The following ENOX2 variants were observed in gnomAD, a reference collection of about 807,000 sequenced individuals.
ENOX2 encodes the protein APK1 antigen.
ENOX2 carries 36 observed loss-of-function variants against 45.0 expected under a neutral mutation model. The ratio of observed to expected loss-of-function variants is 0.80; its 90% CI spans 0.61 to 1.06. The LOEUF is 1.06. Among genes scored for constraint, ENOX2 ranks in the 50% least tolerant of loss-of-function variants. The pLI, the probability that ENOX2 is intolerant of heterozygous loss-of-function variation, is 0.00. For synonymous variants in ENOX2, 174 were observed against 152.3 expected, an observed-to-expected ratio of 1.14 and a Z score of -1.05; for missense variants, 423 against 462.5, an observed-to-expected ratio of 0.91 and a Z score of 0.78.
Position 130,628,113 on chromosome X carries a change from A to G in ENOX2, c.1529-70T>C. The stretch of plus-strand genomic sequence containing the variant: ...CTCGAGGTTCCACATGACAGTGAAT[A>G]GCAAGAGCTGACTCATATGTACAAC... On this transcript the variant is annotated intron_variant, in intron 13 of 14. Coordinates refer to ENST00000394363, the MANE Select transcript of ENOX2 (RefSeq NM_006375.4). 2 of 706,099 alleles carry G rather than the reference A, an allele frequency of 2.8e-6. 1 individual carries two copies. Among genetic ancestry groups the G allele is most frequent in the South Asian group, 4.4e-5 (2 of 45,289 alleles). The allele number at this position is 706,099 out of a possible 1,213,427, so 58.2% of individuals were successfully genotyped here.
chrX:130,694,896 T>C, intron 4 of ENOX2, among the ~76,000 whole-genome samples: 1 of 111,614 alleles, frequency 9.0e-6, no homozygotes. Flanking sequence ...AGAGGAATAC[T>C]AGCCACTCAT....
intron 3 of ENOX2, among the ~76,000 whole-genome samples, chrX:130,707,025 G>A (rs188612955): frequency 8.9e-6 from 1 of 112,739 alleles, no homozygotes; most frequent in East Asian, 2.8e-4. Flanking sequence ...GTTGTGCTAA[G>A]TATCTGTTTA....
rs890931371 is a variant in ENOX2 at position 130,675,189 on chromosome X, A to G, written c.460+4353T>C. ...TCTAGTTCTAGATCCCTAAGGAATC[A>G]CCACACTGACTTCCACATGGTTGAA... On this transcript the variant is annotated intron_variant, in intron 6 of 14. Coordinates refer to ENST00000394363, the MANE Select transcript of ENOX2 (RefSeq NM_006375.4). Among the ~76,000 whole-genome samples, 9 of 111,716 alleles carry G rather than the reference A, an allele frequency of 8.1e-5. No individual in the cohort carries two copies. In the South Asian group the frequency reaches 1.5e-3, roughly 19 times the overall value.
At chrX:130,652,606 T>C (rs1017335311) in intron 10 of ENOX2, among the ~76,000 whole-genome samples, 4 of 112,354 alleles carry the variant, frequency 3.6e-5, no homozygotes, top group East Asian at 2.8e-4. Flanking sequence ...GTTTGAATTG[T>C]GTCCTCTCAA....
intron 4 of ENOX2, among the ~76,000 whole-genome samples, chrX:130,695,812 T>C (rs2037742699): frequency 9.0e-6 from 1 of 111,563 alleles, no homozygotes; most frequent in Non-Finnish European, 1.9e-5. Flanking sequence ...CCTTTCTACA[T>C]AGTTTCTTTA....
At chrX:130,815,856 C>A (rs1304505291) in intron 2 of ENOX2, among the ~76,000 whole-genome samples, 1 of 111,487 alleles carries the variant, frequency 9.0e-6, no homozygotes, top group Non-Finnish European at 1.9e-5. Flanking sequence ...GCAAAATAAC[C>A]AGCTAGCATC....
Position 130,877,088 on chromosome X carries a change from A to G in ENOX2, c.-183+24596T>C, listed in dbSNP as rs747340107. Among the ~76,000 whole-genome samples, 4 of 112,032 alleles carry G rather than the reference A, an allele frequency of 3.6e-5. No individual in the cohort carries two copies. The South Asian group carries it at 1.5e-3, about 42-fold the overall frequency. ...ACAAAATCCTTCTGAACTTTTATCT[A>G]TAAACCTCCCTTTTCTCTTTCTTAA... On this transcript the variant is annotated intron_variant, in intron 2 of 14. Coordinates refer to ENST00000394363, the MANE Select transcript of ENOX2 (RefSeq NM_006375.4).
At position 130,842,321 on chromosome X, in the gene ENOX2, A is replaced by G. The variant is rs370982956; in HGVS notation, c.-182-58631T>C. ...AAGCACTGAAAATATGCAAGACTTC[A>G]TTTCTTATGTAGCTGATTCCTTTGG... On this transcript the variant is annotated intron_variant, in intron 2 of 14. Coordinates refer to ENST00000394363, the MANE Select transcript of ENOX2 (RefSeq NM_006375.4). Among the ~76,000 whole-genome samples the G allele has an allele frequency of 4.7e-4, 53 of 112,869 alleles. 4 individuals carry two copies. The East Asian group carries it at 7.7e-3, about 16-fold the overall frequency.
At chrX:130,844,678 G>A (rs2078069322) in intron 2 of ENOX2, among the ~76,000 whole-genome samples, 1 of 111,973 alleles carries the variant, frequency 8.9e-6, no homozygotes, top group African/African-American at 3.2e-5. Context: ...CAGTTTTTTG[G>A]AATAAGGCTT....
chrX:130,831,578 G>A (rs949066745), intron 2 of ENOX2, among the ~76,000 whole-genome samples: 3 of 111,023 alleles, frequency 2.7e-5, no homozygotes, highest in African/African-American at 9.8e-5. Context: ...TGTTCCTCAG[G>A]CTCTTTGCAT....
intron 10 of ENOX2, among the ~76,000 whole-genome samples, chrX:130,642,097 T>A (rs2148045454): frequency 8.9e-6 from 1 of 112,469 alleles, no homozygotes; most frequent in African/African-American, 3.2e-5. Context: ...CTCTGATGGA[T>A]CTGTGTAAAG....
At chrX:130,784,238 T>C (rs2076934325) in intron 2 of ENOX2, among the ~76,000 whole-genome samples, 1 of 111,626 alleles carries the variant, frequency 9.0e-6, no homozygotes, top group African/African-American at 3.3e-5. Flanking sequence ...GCTGGAGCAA[T>C]GGGGAATTAT....
intron 3 of ENOX2, among the ~76,000 whole-genome samples, chrX:130,735,667 A>G (rs768365597): frequency 1.8e-5 from 2 of 112,422 alleles, no homozygotes; most frequent in South Asian, 3.7e-4. Context: ...ACATACAATA[A>G]ATGTTTATTA....
At chrX:130,717,595 C>G (rs966106034) in intron 3 of ENOX2, among the ~76,000 whole-genome samples, 1 of 112,341 alleles carries the variant, frequency 8.9e-6, no homozygotes, top group Non-Finnish European at 1.9e-5. Flanking sequence ...ACCTAGTTTT[C>G]AAGAGTGGCT....
intron 2 of ENOX2, among the ~76,000 whole-genome samples, chrX:130,805,781 T>C (rs1204965188): frequency 8.9e-6 from 1 of 112,070 alleles, no homozygotes; most frequent in South Asian, 3.7e-4. Context: ...ATGGAGTTAC[T>C]GTCTCCTTTA....
chrX:130,636,298 G>T (rs771586187), intron 11 of ENOX2, among the ~76,000 whole-genome samples: 1 of 112,705 alleles, frequency 8.9e-6, no homozygotes, highest in African/African-American at 3.2e-5. Flanking sequence ...TTGTCGTATA[G>T]GAAGACAATA....
At chrX:130,889,623 T>C (rs1438289535) in intron 2 of ENOX2, among the ~76,000 whole-genome samples, 1 of 110,190 alleles carries the variant, frequency 9.1e-6, no homozygotes, top group East Asian at 2.9e-4. Context: ...AAAGAGAAAA[T>C]GAATCTAAAG....
At chrX:130,626,028 T>C (rs2035538882) in intron 14 of ENOX2, among the ~76,000 whole-genome samples, 1 of 110,436 alleles carries the variant, frequency 9.1e-6, no homozygotes, top group African/African-American at 3.3e-5. Context: ...ATTAGTAGAG[T>C]TAGTAAGTTA....
chrX:130,854,297 C>T (rs1046683212), intron 2 of ENOX2, among the ~76,000 whole-genome samples: 1 of 111,547 alleles, frequency 9.0e-6, no homozygotes. Context: ...AGAATACAGA[C>T]AGATGACAGA....
Sources: allele counts gnomAD v4.1 joint callset (sites outside exome capture counted in the v4.1 genomes callset), GRCh38; gene constraint gnomAD v4.1.1; transcripts MANE v1.5; gene names NCBI Gene and HGNC (gene_info 2026-07-23, HGNC 2026-07-21).